Variants in PRKCH observed in about 807,000 individuals in gnomAD.
The protein encoded by PRKCH is protein kinase C eta.
Under a neutral mutation model 82.5 loss-of-function variants are expected in PRKCH, and 28 were observed. The observed-to-expected ratio is 0.34, with a 90% CI of 0.25 to 0.47. The LOEUF is 0.47. Ranked by LOEUF, PRKCH falls within the 20% of genes least tolerant of loss-of-function variation. The pLI is 1.00. For missense variants in PRKCH, 705 were observed against 881.8 expected (o/e 0.80, Z 2.54); for synonymous variants, 322 against 327.4 (o/e 0.98, Z 0.18).
chr14:61,403,449 CTTTT>C (rs1392693497), intron 2 of PRKCH, among the ~76,000 whole-genome samples: 1 of 152,110 alleles, frequency 6.6e-6, no homozygotes, highest in Non-Finnish European at 1.5e-5. Context: ...TTGAAACTTT[CTTTT>C]TGTTTCTGAT....
intron 12 of PRKCH, among the ~76,000 whole-genome samples, chr14:61,536,898 G>A (rs1014121363): frequency 1.3e-5 from 2 of 152,184 alleles, no homozygotes; most frequent in Non-Finnish European, 2.9e-5. Flanking sequence ...GGACTTGTGA[G>A]TTCTTTGTGT....
At chr14:61,507,629 A>G (rs1001584827) in intron 10 of PRKCH, among the ~76,000 whole-genome samples, 4 of 152,154 alleles carry the variant, frequency 2.6e-5, no homozygotes. Context: ...GACAGTGTGG[A>G]TGGGCCTGGA....
At chr14:61,311,689 GA>G (rs1188452091) in intron 1 of PRKCH, among the ~76,000 whole-genome samples, 1 of 152,192 alleles carries the variant, frequency 6.6e-6, no homozygotes, top group Middle Eastern at 3.2e-3. Context: ...AATTTATAAA[GA>G]AAAGAGGTTT....
chr14:61,396,093 AAAAAAG>A (rs1156538130), intron 2 of PRKCH, among the ~76,000 whole-genome samples: 10 of 151,870 alleles, frequency 6.6e-5, no homozygotes, highest in Non-Finnish European at 1.2e-4. Flanking sequence ...AAAAAAAAAA[AAAAAAG>A]AAAAGAAAAG....
At chr14:61,196,701 C>A (rs903072248) in intron 1 of PRKCH, among the ~76,000 whole-genome samples, 2 of 152,084 alleles carry the variant, frequency 1.3e-5, no homozygotes, top group African/African-American at 2.4e-5. Context: ...GAATTCTGAC[C>A]AGTACACGTT....
At position 61,457,246 on chromosome 14, in the gene PRKCH, T is replaced by A; in HGVS notation, c.1031T>A (p.Val344Asp). The A allele has an allele frequency of 6.2e-7, 1 of 1,614,084 alleles. No homozygotes were observed. The highest frequency in any genetic ancestry group is 1.3e-5 in the African/African-American group (1 of 75,000). ...ESSKEGNGIGVNSSNRLGIDN... is the reference protein window; with the variant it reads ...ESSKEGNGIGDNSSNRLGIDN... ...AGCAAAGAAGGAAATGGGATTGGGG[T>A]TAATTCTTCCAACCGACTTGGTATC... The change falls in exon 8 of 14, where the codon GTT (valine) becomes GAT (aspartate). Residue 344 changes from valine to aspartate, a missense_variant. Physicochemically the swap from Val to Asp is radical, Grantham distance 152. This residue lies in a region of PRKCH where 238 missense variants were observed against 258.1 expected (regional missense o/e 0.92). Transcript: ENST00000332981.
At chr14:61,409,917 T>C (rs990539670) in intron 2 of PRKCH, among the ~76,000 whole-genome samples, 7 of 152,146 alleles carry the variant, frequency 4.6e-5, no homozygotes, top group Admixed American at 4.6e-4. Context: ...TAGGAGCTTG[T>C]TAGGTTTGGT....
chr14:61,447,919 G>A (rs575316218), intron 4 of PRKCH, among the ~76,000 whole-genome samples: 1 of 152,098 alleles, frequency 6.6e-6, no homozygotes, highest in Non-Finnish European at 1.5e-5. Context: ...CCTCAAGCGA[G>A]CATAAGAAAA....
chr14:61,468,114 A>G (rs1427889784), intron 9 of PRKCH, among the ~76,000 whole-genome samples: 2 of 152,218 alleles, frequency 1.3e-5, no homozygotes, highest in Non-Finnish European at 2.9e-5. Context: ...GTTTTCCACA[A>G]TAGGTGGTTT....
At chr14:61,250,296 T>C (rs567455946) in intron 1 of PRKCH, among the ~76,000 whole-genome samples, 42 of 149,302 alleles carry the variant, frequency 2.8e-4, no homozygotes, top group African/African-American at 9.7e-4. Flanking sequence ...GACACGGATG[T>C]TGATAGCAGC....
Position 61,413,414 on chromosome 14 carries a change from G to T in PRKCH, c.427+22126G>T, listed in dbSNP as rs57900873. The stretch of plus-strand genomic sequence containing the variant: ...ATTTCTTTTTAAGCGCCCCCCCCCC[G>T]CCCCGCCCATGTACCCTGTGCCTAT... On this transcript the variant is annotated intron_variant, in intron 2 of 13. Transcript: ENST00000332981. Among the ~76,000 whole-genome samples the T allele has an allele frequency of 2.4e-4, 14 of 57,284 alleles. 1 individual carries two copies. Among genetic ancestry groups the T allele is most frequent in the Non-Finnish European group, 1.7e-4 (5 of 29,624 alleles). 37.6% of individuals were successfully genotyped at this position (57,284 alleles called of 152,430 possible).
intron 1 of PRKCH, among the ~76,000 whole-genome samples, chr14:61,283,641 G>A (rs557671972): frequency 3.9e-5 from 6 of 152,300 alleles, no homozygotes; most frequent in Non-Finnish European, 5.9e-5. Flanking sequence ...GAGCCCAGCA[G>A]TTTGAGACTA....
At chr14:61,260,513 C>T (rs1347756265) in intron 1 of PRKCH, among the ~76,000 whole-genome samples, 18 of 152,108 alleles carry the variant, frequency 1.2e-4, no homozygotes, top group Admixed American at 9.8e-4. Flanking sequence ...TTGTGAAATA[C>T]CCTAGTTTCA....
At chr14:61,380,216 A>C (rs920786183) in intron 1 of PRKCH, among the ~76,000 whole-genome samples, 1 of 151,828 alleles carries the variant, frequency 6.6e-6, no homozygotes, top group African/African-American at 2.4e-5. Flanking sequence ...ATGCCACCAC[A>C]CCTGGCTATT....
At chr14:61,195,862 C>T (rs1390579045) in intron 1 of PRKCH, among the ~76,000 whole-genome samples, 1 of 152,190 alleles carries the variant, frequency 6.6e-6, no homozygotes, top group East Asian at 1.9e-4. Flanking sequence ...ATCAAGGCCC[C>T]ACCCTTACGA....
chr14:61,312,375 G>T (rs1385285865), intron 1 of PRKCH, among the ~76,000 whole-genome samples: 2 of 152,104 alleles, frequency 1.3e-5, no homozygotes, highest in Non-Finnish European at 2.9e-5. Flanking sequence ...ACACCAAATA[G>T]GGTCATGATG....
chr14:61,519,317 G>GAATGAATA lies in PRKCH; in HGVS notation c.1434-9755_1434-9754insGAATAAAT, dbSNP rs547220185. Among the ~76,000 whole-genome samples the GAATGAATA allele has an allele frequency of 6.5e-4, 75 of 115,194 alleles. No homozygotes were observed. In the South Asian group the frequency reaches 7.4e-3, roughly 11 times the overall value. 75.6% of individuals were successfully genotyped at this position (115,194 alleles called of 152,430 possible). ...TGAATGAATGAATGAATGAATGAAT[G>GAATGAATA]AATAAATAAAATTTTTGTAGAGACA... On this transcript the variant is annotated intron_variant, in intron 10 of 13. Coordinates refer to ENST00000332981, the MANE Select transcript of PRKCH (RefSeq NM_006255.5).
chr14:61,407,518 C>G (rs1882016591), intron 2 of PRKCH, among the ~76,000 whole-genome samples: 1 of 152,180 alleles, frequency 6.6e-6, no homozygotes, highest in Non-Finnish European at 1.5e-5. Context: ...CAGTAGGACT[C>G]TGCTGTCCCC....
At chr14:61,521,679 C>T (rs1029080075) in intron 10 of PRKCH, among the ~76,000 whole-genome samples, 11 of 152,096 alleles carry the variant, frequency 7.2e-5, no homozygotes, top group African/African-American at 1.9e-4. Context: ...GTGATCTTCC[C>T]GCTTCGGCCT....
Sources: gnomAD v4.1 joint callset for allele counts (sites outside exome capture counted in the v4.1 genomes callset) on GRCh38, gnomAD v4.1.1 for gene constraint, gnomAD v4.1.1 regional missense constraint, MANE v1.5 for transcripts, NCBI Gene and HGNC (gene_info 2026-07-23, HGNC 2026-07-21) for gene names.